ITSN1: variants seen among roughly 807,000 people sequenced by gnomAD.
The protein encoded by ITSN1 is intersectin 1.
In ITSN1, 58 loss-of-function variants were observed where a neutral mutation model predicts 239.8. That is an observed-to-expected ratio of 0.24 (90% CI 0.20 to 0.30). ITSN1 has a LOEUF of 0.30. Ranked by LOEUF, ITSN1 falls within the 10% of genes least tolerant of loss-of-function variation. ITSN1 has a pLI of 1.00. For synonymous variants in ITSN1, 780 were observed against 770.8 expected, an observed-to-expected ratio of 1.01 and a Z score of -0.20; for missense variants, 1,558 against 2,103.3, an observed-to-expected ratio of 0.74 and a Z score of 5.07.
intron 19 of ITSN1, 88 bp downstream of exon 19, chr21:33,800,017 G>T (rs2071857458): frequency 7.3e-7 from 1 of 1,369,504 alleles, no homozygotes; most frequent in Non-Finnish European, 1.0e-6. Context: ...TTGTGAGATT[G>T]TCAGTGAGTA....
chr21:33,668,348 C>G (rs1226595889), intron 1 of ITSN1, among the ~76,000 whole-genome samples: 1 of 152,186 alleles, frequency 6.6e-6, no homozygotes, highest in African/African-American at 2.4e-5. Flanking sequence ...GTGGGCCCCC[C>G]CAAGGCATGT....
At chr21:33,779,394 A>G (rs2069960040) in intron 14 of ITSN1, among the ~76,000 whole-genome samples, 1 of 152,062 alleles carries the variant, frequency 6.6e-6, no homozygotes, top group South Asian at 2.1e-4. Context: ...TCAATTCAAA[A>G]TCTTTTTTAA....
chr21:33,851,380 G>A (rs959296306), intron 29 of ITSN1, among the ~76,000 whole-genome samples: 6 of 152,068 alleles, frequency 3.9e-5, no homozygotes, highest in African/African-American at 7.2e-5. Context: ...CACAGCACAC[G>A]GGCTCTTTTT....
In ITSN1 at chr21:33,653,769, G is replaced by A. The variant is rs1306563571; in HGVS notation, c.-33+11056G>A. 2.0e-5 allele frequency among the ~76,000 whole-genome samples: 3 copies of A among 152,072 alleles called. No homozygotes were observed. In the South Asian group the frequency reaches 6.2e-4, roughly 32 times the overall value. On this transcript the variant is annotated intron_variant, in intron 1 of 39. Coordinates refer to ENST00000381318, the MANE Select transcript of ITSN1 (RefSeq NM_003024.3). ...GATCTCCTGACCTCGTGATCCGCCC[G>A]TCTCGGCCTCCCACAGTTCTGGAAT... is the stretch of plus-strand genomic sequence containing the variant.
At chr21:33,678,357 T>A (rs193119253) in intron 1 of ITSN1, among the ~76,000 whole-genome samples, 10 of 152,342 alleles carry the variant, frequency 6.6e-5, no homozygotes, top group Non-Finnish European at 1.3e-4. Flanking sequence ...GGGTTCTGTA[T>A]GTAAAATGAT....
chr21:33,702,617 T>C (rs2092075608), intron 1 of ITSN1, among the ~76,000 whole-genome samples: 1 of 152,256 alleles, frequency 6.6e-6, no homozygotes, highest in Non-Finnish European at 1.5e-5. Context: ...ATTTATGTGC[T>C]AGAACCTAAA....
At chr21:33,645,145 A>G (rs2087817952) in intron 1 of ITSN1, among the ~76,000 whole-genome samples, 1 of 152,198 alleles carries the variant, frequency 6.6e-6, no homozygotes, top group Non-Finnish European at 1.5e-5. Context: ...ACTCTAAATT[A>G]TCTTTTTAAT....
chr21:33,697,683 G>A (rs1435459170), intron 1 of ITSN1, among the ~76,000 whole-genome samples: 6 of 151,940 alleles, frequency 3.9e-5, no homozygotes, highest in African/African-American at 1.2e-4. Flanking sequence ...TCAATCAGTG[G>A]TTCTTAAAAT....
chr21:33,874,650 C>CTTTTTTTT lies in ITSN1; in HGVS notation c.4174-701_4174-700insTTTTTTTT, dbSNP rs146318076. ...GAAACAGGGTGAATATTTTCTTTTT[C>CTTTTTTTT]TTTCTTTTTTTTTTTTTGAGACGGA... On this transcript the variant is annotated intron_variant, in intron 33 of 39. Transcript: ENST00000381318. Among the ~76,000 whole-genome samples the CTTTTTTTT allele has an allele frequency of 9.7e-4, 134 of 138,780 alleles. 18 individuals are homozygous for CTTTTTTTT. The highest frequency in any genetic ancestry group is 1.1e-3 in the African/African-American group (40 of 37,030). The allele number at this position is 138,780 out of a possible 152,430, so 91.0% of individuals were successfully genotyped here. A position where few individuals can be genotyped will look rare whatever the true frequency, so the allele number is the denominator to read the frequency against.
chr21:33,683,169 C>T (rs892560693), intron 1 of ITSN1, among the ~76,000 whole-genome samples: 7 of 151,668 alleles, frequency 4.6e-5, no homozygotes, highest in African/African-American at 1.7e-4. Context: ...TAATCAGCTC[C>T]TGGGGAATCA....
intron 1 of ITSN1, among the ~76,000 whole-genome samples, chr21:33,674,842 C>T (rs1431666823): frequency 6.6e-6 from 1 of 152,060 alleles, no homozygotes; most frequent in African/African-American, 2.4e-5. Flanking sequence ...CCCAAAGTAT[C>T]TTCTGACATT....
intron 21 of ITSN1, 41 bp from the exon 22 acceptor site, chr21:33,813,872 G>A: frequency 1.9e-6 from 3 of 1,588,086 alleles, no homozygotes; most frequent in African/African-American, 1.4e-5. Flanking sequence ...TGGTATATTA[G>A]GGAGTGCTTG....
chr21:33,853,426 G>C (rs965719927), intron 29 of ITSN1, among the ~76,000 whole-genome samples: 2 of 152,038 alleles, frequency 1.3e-5, no homozygotes, highest in African/African-American at 4.8e-5. Context: ...AGGCTCCTGG[G>C]ATTCTTGGAC....
rs138136663 is a variant in ITSN1 at position 33,759,717 on chromosome 21, G to A, written c.725-2206G>A. Among the ~76,000 whole-genome samples the A allele has an allele frequency of 6.7e-3, 1,023 of 152,256 alleles. 15 individuals carry two copies. The highest frequency in any genetic ancestry group is 6.4e-3 in the Non-Finnish European group (435 of 68,004). On this transcript the variant is annotated intron_variant, in intron 8 of 39. Coordinates refer to ENST00000381318, the MANE Select transcript of ITSN1 (RefSeq NM_003024.3). ...GTGCTCATGTATGCACACACATCCA[G>A]CAGGAATGTGTTCATATATTCACCA...
At chr21:33,775,964 C>T (rs1387093600) in intron 14 of ITSN1, among the ~76,000 whole-genome samples, 1 of 152,080 alleles carries the variant, frequency 6.6e-6, no homozygotes, top group Non-Finnish European at 1.5e-5. Context: ...TGTGGATGAT[C>T]ATATTTGCCT....
rs558884420 is a variant in ITSN1, at chr21:33,877,825, T to G, written c.4341+2304T>G. On this transcript the variant is annotated intron_variant, in intron 34 of 39. Transcript: ENST00000381318. Reference sequence around the variant, plus strand: ...GCAAATTTCTTACTTTGTTTCTATTTTGTGTGTGTGTGTGTGTGTGTGTGT... The same window carrying G: ...GCAAATTTCTTACTTTGTTTCTATTGTGTGTGTGTGTGTGTGTGTGTGTGT... Among the ~76,000 whole-genome samples, 757 of 147,304 alleles carry G rather than the reference T, an allele frequency of 5.1e-3. 19 individuals carry two copies. The highest frequency in any genetic ancestry group is 0.038 in the Admixed American group (559 of 14,590).
At chr21:33,714,682 G>A (rs984767182) in intron 1 of ITSN1, among the ~76,000 whole-genome samples, 4 of 152,062 alleles carry the variant, frequency 2.6e-5, no homozygotes, top group African/African-American at 9.7e-5. Context: ...CAGTATCATA[G>A]TTGAGTATTA....
At chr21:33,815,694 G>A (rs886160618) in intron 22 of ITSN1, among the ~76,000 whole-genome samples, 1 of 152,156 alleles carries the variant, frequency 6.6e-6, no homozygotes, top group Non-Finnish European at 1.5e-5. Context: ...TTGGTATAAG[G>A]CAGAAAACAT....
chr21:33,826,602 T>C (rs1016663233), intron 25 of ITSN1, among the ~76,000 whole-genome samples: 1 of 152,238 alleles, frequency 6.6e-6, no homozygotes, highest in African/African-American at 2.4e-5. Flanking sequence ...TGCTGTTTTT[T>C]TCTCTTATAG....
Sources: gnomAD v4.1 joint callset for allele counts (sites outside exome capture counted in the v4.1 genomes callset) on GRCh38, gnomAD v4.1.1 for gene constraint, MANE v1.5 for transcripts, NCBI Gene and HGNC (gene_info 2026-07-23, HGNC 2026-07-21) for gene names.